Variants in NOL4L observed in about 807,000 individuals in gnomAD.
NOL4L encodes nucleolar protein 4 like.
In NOL4L, 7 loss-of-function variants were observed where a neutral mutation model predicts 64.5. That is an observed-to-expected ratio of 0.11 (90% CI 0.06 to 0.20). NOL4L has a LOEUF of 0.20. NOL4L is among the 10% of genes least tolerant of loss of function. NOL4L has a pLI of 1.00. For synonymous variants in NOL4L, 413 were observed against 401.0 expected (o/e 1.03, Z -0.36); for missense variants, 680 against 967.1 (o/e 0.70, Z 3.94).
rs747449024 is a variant in NOL4L, at chr20:32,490,128, C to CAA, written c.700-15388_700-15387dup. ...TGGGTGACAGAGAGAGACTCCATCTCAAAAAAAAAAAAAAAAATATATATA... is the reference window on the plus strand; with the variant it reads ...TGGGTGACAGAGAGAGACTCCATCTCAAAAAAAAAAAAAAAAAAATATATATA... On this transcript the variant is annotated intron_variant, in intron 4 of 10. Coordinates refer to ENST00000621426, the MANE Select transcript of NOL4L (RefSeq NM_001256798.2). 1.6e-4 allele frequency among the ~76,000 whole-genome samples: 11 copies of CAA among 69,094 alleles called. No homozygotes were observed. In the South Asian group the frequency reaches 2.5e-3, roughly 16 times the overall value. 45.3% of individuals were successfully genotyped at this position (69,094 alleles called of 152,430 possible).
At chr20:32,504,504 G>A (rs1031389099) in intron 4 of NOL4L, among the ~76,000 whole-genome samples, 20 of 150,682 alleles carry the variant, frequency 1.3e-4, no homozygotes, top group African/African-American at 4.6e-4. Context: ...AGCTTGCAGT[G>A]AGCCAAGATC....
intron 3 of NOL4L, among the ~76,000 whole-genome samples, chr20:32,517,800 C>T (rs2017740255): frequency 1.3e-5 from 2 of 152,228 alleles, no homozygotes; most frequent in Non-Finnish European, 2.9e-5. Flanking sequence ...CGCTGCGTCC[C>T]AGGTGCCCTC....
Position 32,453,012 on chromosome 20 carries a change from G to A in NOL4L, c.1498-6C>T. ...TGGGGTGGCGTGGGTCTGGTCTGCAGGCAGAACGGGGATGGAGCTAGCATG... is the reference window on the plus strand; with the variant it reads ...TGGGGTGGCGTGGGTCTGGTCTGCAAGCAGAACGGGGATGGAGCTAGCATG... On this transcript the variant is annotated splice_polypyrimidine_tract_variant and splice_region_variant and intron_variant, in intron 8 of 10. Transcript: ENST00000621426. The surrounding 1 kb of genome is among the most constrained non-coding windows in gnomAD (Gnocchi z 5.6). The A allele has an allele frequency of 6.2e-7, 1 of 1,612,846 alleles. No individual in the cohort carries two copies. Among genetic ancestry groups the A allele is most frequent in the African/African-American group, 1.3e-5 (1 of 75,066 alleles).
chr20:32,516,124 A>T (rs2017644305), intron 3 of NOL4L, among the ~76,000 whole-genome samples: 1 of 152,142 alleles, frequency 6.6e-6, no homozygotes, highest in African/African-American at 2.4e-5. Flanking sequence ...AAGAACTCTC[A>T]GTCCAGAGAC....
chr20:32,486,925 C>A, intron 4 of NOL4L: 2 of 366,250 alleles, frequency 5.5e-6, no homozygotes, highest in Non-Finnish European at 1.1e-5. Context: ...CAGTCTTGGA[C>A]TCTACAAAAC....
chr20:32,468,126 T>C (rs2014706438), intron 5 of NOL4L, among the ~76,000 whole-genome samples: 1 of 151,700 alleles, frequency 6.6e-6, no homozygotes, highest in Non-Finnish European at 1.5e-5. Flanking sequence ...TGGCCCAGAG[T>C]TGGGGGATCG....
At chr20:32,468,900 C>CAAAA (rs555969764) in intron 5 of NOL4L, among the ~76,000 whole-genome samples, 21 of 95,010 alleles carry the variant, frequency 2.2e-4, no homozygotes, top group South Asian at 7.5e-4. Flanking sequence ...GACTCCATCT[C>CAAAA]AAAAAAAAAA....
At chr20:32,547,768 AT>A (rs2018750779) in intron 1 of NOL4L, among the ~76,000 whole-genome samples, 1 of 152,052 alleles carries the variant, frequency 6.6e-6, no homozygotes, top group Non-Finnish European at 1.5e-5. Context: ...TCATGCCTGG[AT>A]TTGAGGCCCC....
At chr20:32,529,564 C>T (rs935052935) in intron 1 of NOL4L, among the ~76,000 whole-genome samples, 1 of 152,176 alleles carries the variant, frequency 6.6e-6, no homozygotes, top group Admixed American at 6.5e-5. Context: ...GTAGCTTTCT[C>T]GACACACCAT....
chr20:32,452,920 G>A lies in NOL4L; in HGVS notation c.1584C>T (p.Ala528=), dbSNP rs2013078740. 6.2e-7 allele frequency: 1 copy of A among 1,614,050 alleles called. No homozygotes were observed. ...GGTAGATCTCTAGACGCATCCGCTTGGCTGCCTTTCTTGTCTCGCTCTCAC... is the reference window on the plus strand; with the variant it reads ...GGTAGATCTCTAGACGCATCCGCTTAGCTGCCTTTCTTGTCTCGCTCTCAC... ...AACESETRKA[A]KRMRLEIYQS... Residue 528 remains alanine, a synonymous_variant, in exon 9 of 11, where the codon GCC becomes GCT. Transcript: ENST00000621426.
chr20:32,566,288 C>T (rs527397211), intron 1 of NOL4L, among the ~76,000 whole-genome samples: 27 of 152,104 alleles, frequency 1.8e-4, no homozygotes, highest in Non-Finnish European at 2.6e-4. Flanking sequence ...GGGCCATCTG[C>T]GAATCCGTCA....
chr20:32,466,741 C>A (rs899408188), intron 5 of NOL4L, among the ~76,000 whole-genome samples: 1 of 152,188 alleles, frequency 6.6e-6, no homozygotes, highest in African/African-American at 2.4e-5. Flanking sequence ...GCAATGGACA[C>A]AGCCATAATG....
intron 4 of NOL4L, among the ~76,000 whole-genome samples, chr20:32,502,842 A>C (rs2016980230): frequency 6.6e-6 from 1 of 152,162 alleles, no homozygotes. Flanking sequence ...ACTTGAGAGC[A>C]GAGGTTGCAA....
At chr20:32,541,488 TTGGATGG>T (rs2018654063) in intron 1 of NOL4L, among the ~76,000 whole-genome samples, 1 of 152,212 alleles carries the variant, frequency 6.6e-6, no homozygotes, top group Non-Finnish European at 1.5e-5. Context: ...TCCAGCCACC[TTGGATGG>T]TGGTGGGGGT....
rs908356084 is a variant in NOL4L at position 32,488,845 on chromosome 20, T to C, written c.700-14103A>G. Among the ~76,000 whole-genome samples the C allele has an allele frequency of 8.8e-4, 80 of 90,608 alleles. 3 individuals are homozygous for C. Among genetic ancestry groups the C allele is most frequent in the Middle Eastern group, 4.4e-3 (1 of 226 alleles). The allele number at this position is 90,608 out of a possible 152,430, so 59.4% of individuals were successfully genotyped here. On this transcript the variant is annotated intron_variant, in intron 4 of 10. Coordinates refer to ENST00000621426, the MANE Select transcript of NOL4L (RefSeq NM_001256798.2). ...TCTTTCTTTTTCTTTCTTTCTTTCT[T>C]TCTTTCTTTCTTTCTTTCTTTCTTT...
intron 2 of NOL4L, 85 bp downstream of exon 2, chr20:32,527,673 C>T (rs750044337): frequency 4.2e-6 from 6 of 1,442,042 alleles, no homozygotes; most frequent in South Asian, 1.4e-5. Context: ...CCCTGCCCCG[C>T]CCCCCAAGCC....
chr20:32,447,740 G>A lies in NOL4L; in HGVS notation c.1899C>T (p.Ser633=). The A allele has an allele frequency of 6.3e-7, 1 of 1,599,510 alleles. No individual in the cohort carries two copies. Among genetic ancestry groups the A allele is most frequent in the Non-Finnish European group, 8.5e-7 (1 of 1,171,180 alleles). ...GAGCGGTGGGCACGGGCCTGCTGGTGCTGGTGCTGGAGGGGGTGGGCGTGG... is the reference window on the plus strand; with the variant it reads ...GAGCGGTGGGCACGGGCCTGCTGGTACTGGTGCTGGAGGGGGTGGGCGTGG... ...TTPTPTPSST[S]TSRPVPTAQL... Residue 633 remains serine, a synonymous_variant, in exon 11 of 11, where the codon AGC becomes AGT. Coordinates refer to ENST00000621426, the MANE Select transcript of NOL4L (RefSeq NM_001256798.2).
chr20:32,492,111 G>A (rs745907500), intron 4 of NOL4L, among the ~76,000 whole-genome samples: 1 of 152,164 alleles, frequency 6.6e-6, no homozygotes, highest in Non-Finnish European at 1.5e-5. Flanking sequence ...ACCCTGTCTC[G>A]AAAGACAGAA....
chr20:32,507,793 A>G (rs1313313226), intron 4 of NOL4L, among the ~76,000 whole-genome samples: 34 of 152,158 alleles, frequency 2.2e-4, no homozygotes, highest in Non-Finnish European at 8.8e-5. Context: ...GTGGATCATG[A>G]GGTCAGGAGT....
Sources: gnomAD v4.1 joint callset for allele counts (sites outside exome capture counted in the v4.1 genomes callset) on GRCh38, gnomAD v4.1.1 for gene constraint, Gnocchi (gnomAD v3.1) non-coding constraint, MANE v1.5 for transcripts, NCBI Gene and HGNC (gene_info 2026-07-23, HGNC 2026-07-21) for gene names.